The following RYR3 variants were observed in gnomAD, a reference collection of about 807,000 sequenced individuals.
The protein encoded by RYR3 is brain ryanodine receptor-calcium release channel.
In RYR3, 207 loss-of-function variants were observed where a neutral mutation model predicts 584.3. The ratio of observed to expected loss-of-function variants is 0.35; its 90% CI spans 0.32 to 0.40. The LOEUF (loss-of-function observed/expected upper bound fraction) is 0.40, where lower values mean the gene tolerates loss of function less well. Among genes scored for constraint, RYR3 ranks in the 10% least tolerant of loss-of-function variants. RYR3 has a pLI of 1.00. For synonymous variants in RYR3, 2,416 were observed against 2,248.5 expected (o/e 1.07, Z -2.11); for missense variants, 5,616 against 6,089.2 (o/e 0.92, Z 2.59).
At chr15:33,425,645 T>TTC (rs2044557426) in intron 1 of RYR3, among the ~76,000 whole-genome samples, 1 of 92,972 alleles carries the variant, frequency 1.1e-5, no homozygotes, top group Non-Finnish European at 2.5e-5. Context: ...CAATTTTTTT[T>TTC]TTTTTTTTTT....
chr15:33,828,541 C>A (rs2077494096), intron 85 of RYR3, among the ~76,000 whole-genome samples: 1 of 152,126 alleles, frequency 6.6e-6, no homozygotes, highest in Non-Finnish European at 1.5e-5. Flanking sequence ...AGCAAAACAC[C>A]CTCATTACTG....
At chr15:33,431,196 T>A (rs28568622) in intron 1 of RYR3, among the ~76,000 whole-genome samples, 31,898 of 152,106 alleles carry the variant, frequency 0.21, 4,016 homozygotes, top group African/African-American at 0.36. Flanking sequence ...AAGCATAAGA[T>A]TATCTACTGC....
At chr15:33,852,673 T>A (rs1420210977) in intron 94 of RYR3, 1 of 190,652 alleles carries the variant, frequency 5.2e-6, no homozygotes, top group Non-Finnish European at 1.1e-5. Flanking sequence ...TAGTGACTCA[T>A]TGAATGGAAT....
rs77209471 is a variant in RYR3 at position 33,471,846 on chromosome 15, A to G, written c.52-1573A>G. Among the ~76,000 whole-genome samples the G allele has an allele frequency of 9.0e-3, 1,374 of 152,244 alleles. 24 individuals are homozygous for G. The highest frequency in any genetic ancestry group is 0.032 in the African/African-American group (1,309 of 41,554). The stretch of plus-strand genomic sequence containing the variant: ...ATGGCCCCTGCTTTCCAACACAAAC[A>G]GCACATCTCAGTCATCTTGGCAACT... On this transcript the variant is annotated intron_variant, in intron 1 of 103. Coordinates refer to ENST00000634891, the MANE Select transcript of RYR3 (RefSeq NM_001036.6).
chr15:33,379,985 G>A (rs1258118926), intron 1 of RYR3, among the ~76,000 whole-genome samples: 2 of 152,050 alleles, frequency 1.3e-5, no homozygotes, highest in South Asian at 2.1e-4. Flanking sequence ...ATTAGAGAAA[G>A]AAGGAAACCA....
chr15:33,722,728 A>G lies in RYR3; in HGVS notation c.6633A>G (p.Glu2211=). The G allele has an allele frequency of 1.2e-6, 2 of 1,612,466 alleles. No individual in the cohort carries two copies. The highest frequency in any genetic ancestry group is 1.7e-6 in the Non-Finnish European group (2 of 1,179,398). ...TGTCTTCCTCAGGTGAGAGTGTGGA[A>G]GAAAACGCCAGCGTTGTGGTCAAGC... ...FAVFVNSESV[E]ENASVVVKLL... The change falls in exon 44 of 104, where the codon GAA becomes GAG. Residue 2211 remains glutamate (E), a synonymous_variant. Transcript: ENST00000634891.
chr15:33,812,527 A>G (rs2076607183), intron 72 of RYR3, among the ~76,000 whole-genome samples: 1 of 152,206 alleles, frequency 6.6e-6, no homozygotes, highest in Non-Finnish European at 1.5e-5. Flanking sequence ...ATAATCATTG[A>G]AATTAAAAAC....
At position 33,628,590 on chromosome 15, in the gene RYR3, G is replaced by A. The variant is rs967036065; in HGVS notation, c.2679+15G>A. On this transcript the variant is annotated intron_variant, in intron 21 of 103. Coordinates refer to ENST00000634891, the MANE Select transcript of RYR3 (RefSeq NM_001036.6). ...CTTTCGGCAAGGTATGTGTCTCAGG[G>A]CCAGGTTAGGGTGGAGGGTGGGATT... 3.9e-6 allele frequency: 6 copies of A among 1,538,386 alleles called. No homozygotes were observed. The South Asian group carries it at 5.6e-5, about 14-fold the overall frequency.
intron 72 of RYR3, among the ~76,000 whole-genome samples, chr15:33,812,007 C>A (rs1447963054): frequency 6.6e-6 from 1 of 151,640 alleles, no homozygotes; most frequent in Non-Finnish European, 1.5e-5. Flanking sequence ...AAAAAAAAGG[C>A]AATAAAAAGA....
chr15:33,528,194 AT>A (rs1444533826), intron 3 of RYR3, among the ~76,000 whole-genome samples: 1 of 152,122 alleles, frequency 6.6e-6, no homozygotes, highest in Non-Finnish European at 1.5e-5. Context: ...CTACTCCAGT[AT>A]CCTGTTAGCT....
chr15:33,699,276 CCT>C lies in RYR3; in HGVS notation c.6250-426_6250-425del, dbSNP rs201596386. ...TCTCCCCCCCTTTCTCTCTCTCCCCCCTCCTCACTCTCTCCTCTTTCTCTCCT... is the reference window on the plus strand; with the variant it reads ...TCTCCCCCCCTTTCTCTCTCTCCCCCCCTCACTCTCTCCTCTTTCTCTCCT... On this transcript the variant is annotated intron_variant, in intron 40 of 103. Transcript: ENST00000634891. Among the ~76,000 whole-genome samples the C allele has an allele frequency of 5.8e-3, 696 of 120,040 alleles. 4 individuals carry two copies. Among genetic ancestry groups the C allele is most frequent in the African/African-American group, 0.02 (640 of 31,570 alleles). 78.8% of individuals were successfully genotyped at this position (120,040 alleles called of 152,430 possible). A position where few individuals can be genotyped will look rare whatever the true frequency, so the allele number is the denominator to read the frequency against.
intron 60 of RYR3, among the ~76,000 whole-genome samples, chr15:33,759,772 T>G (rs1255284878): frequency 6.6e-6 from 1 of 152,104 alleles, no homozygotes; most frequent in Non-Finnish European, 1.5e-5. Flanking sequence ...AGGCCAACAT[T>G]CAAATTCAGG....
At chr15:33,394,252 T>A (rs2042169125) in intron 1 of RYR3, among the ~76,000 whole-genome samples, 1 of 152,206 alleles carries the variant, frequency 6.6e-6, no homozygotes, top group African/African-American at 2.4e-5. Flanking sequence ...AACCCTATGA[T>A]GAGCTGAGAC....
At chr15:33,561,149 G>T (rs1419410566) in intron 10 of RYR3, among the ~76,000 whole-genome samples, 1 of 152,240 alleles carries the variant, frequency 6.6e-6, no homozygotes, top group Non-Finnish European at 1.5e-5. Context: ...TAATTGATAG[G>T]TGTTGAACTT....
intron 76 of RYR3, 35 bp from the exon 77 acceptor site, chr15:33,819,721 A>AATAAATAG (rs879574824): frequency 6.0e-6 from 7 of 1,166,788 alleles, no homozygotes; most frequent in South Asian, 4.5e-5. Flanking sequence ...TAAATAAATA[A>AATAAATAG]AAAGCCTGCT....
In RYR3 at chr15:33,644,320, C is replaced by T; in HGVS notation, c.3566C>T (p.Pro1189Leu). The stretch of plus-strand genomic sequence containing the variant: ...TCTAACTCTTCTGCAGGCTTCGTGC[C>T]CATCTGCTGTCTGGGTCTATCTCAG... ...ADYEIENGFV[P>L]ICCLGLSQIG... is the part of the protein sequence containing the mutation. Residue 1189 changes from proline to leucine, a missense_variant, in exon 28 of 104, where the codon CCC becomes CTC. Pro to Leu is a moderately conservative substitution (Grantham distance 98). Coordinates refer to ENST00000634891, the MANE Select transcript of RYR3 (RefSeq NM_001036.6). The T allele has an allele frequency of 6.2e-7, 1 of 1,610,652 alleles. No homozygotes were observed. The highest frequency in any genetic ancestry group is 8.5e-7 in the Non-Finnish European group (1 of 1,178,500).
chr15:33,813,538 G>T lies in RYR3; in HGVS notation c.10461G>T (p.Val3487=). 6.2e-7 allele frequency: 1 copy of T among 1,613,968 alleles called. No homozygotes were observed. Among genetic ancestry groups the T allele is most frequent in the Non-Finnish European group, 8.5e-7 (1 of 1,179,878 alleles). Residue 3487 remains valine, a synonymous_variant, in exon 74 of 104, where the codon GTG becomes GTT. Transcript: ENST00000634891. The part of the protein sequence containing the change: ...KLLSKQRKRA[V]VACFRMAPLY... The stretch of plus-strand genomic sequence containing the variant: ...TATCAAAGCAACGGAAACGGGCAGT[G>T]GTGGCCTGTTTCAGGATGGCCCCTC...
At chr15:33,516,379 C>T (rs7181036) in intron 3 of RYR3, among the ~76,000 whole-genome samples, 64,432 of 150,982 alleles carry the variant, frequency 0.43, 16,311 homozygotes, top group African/African-American at 0.69. Flanking sequence ...AATCTCACTC[C>T]GTCACCCTGG....
At chr15:33,391,009 C>T (rs2041961128) in intron 1 of RYR3, among the ~76,000 whole-genome samples, 1 of 152,192 alleles carries the variant, frequency 6.6e-6, no homozygotes, top group South Asian at 2.1e-4. Context: ...CTATAATAAA[C>T]TCCAGCTTTG....
Sources: gnomAD v4.1 joint callset for allele counts (sites outside exome capture counted in the v4.1 genomes callset) on GRCh38, gnomAD v4.1.1 for gene constraint, MANE v1.5 for transcripts, NCBI Gene and HGNC (gene_info 2026-07-23, HGNC 2026-07-21) for gene names.